Variants in KCNH7 observed in about 807,000 individuals in gnomAD.
The protein encoded by KCNH7 is voltage-gated inwardly rectifying potassium channel KCNH7.
A neutral mutation model predicts 120.8 loss-of-function variants in KCNH7; 49 were observed. That is an observed-to-expected ratio of 0.41 (90% CI 0.32 to 0.51). KCNH7 has a LOEUF of 0.51. KCNH7 is among the 20% of genes least tolerant of loss of function. KCNH7 has a pLI of 0.38. For missense variants in KCNH7, 1,097 were observed against 1,446.6 expected, an observed-to-expected ratio of 0.76 and a Z score of 3.92; for synonymous variants, 547 against 516.1, an observed-to-expected ratio of 1.06 and a Z score of -0.81.
At chr2:162,770,576 GA>G (rs969588487) in intron 2 of KCNH7, among the ~76,000 whole-genome samples, 11 of 151,936 alleles carry the variant, frequency 7.2e-5, no homozygotes, top group Non-Finnish European at 1.2e-4. Flanking sequence ...ACGGCTTTGA[GA>G]AATCAATTAA....
chr2:162,408,108 C>T (rs914615436), intron 9 of KCNH7, among the ~76,000 whole-genome samples: 2 of 151,990 alleles, frequency 1.3e-5, no homozygotes, highest in African/African-American at 4.8e-5. Flanking sequence ...TCCAGGGCTC[C>T]TTCAACCATT....
At chr2:162,489,803 T>C (rs1368119884) in intron 6 of KCNH7, among the ~76,000 whole-genome samples, 1 of 152,226 alleles carries the variant, frequency 6.6e-6, no homozygotes, top group Non-Finnish European at 1.5e-5. Context: ...GAATTTCTGT[T>C]TTGCTGAACC....
chr2:162,627,714 C>T (rs1323173982), intron 2 of KCNH7, among the ~76,000 whole-genome samples: 1 of 152,204 alleles, frequency 6.6e-6, no homozygotes, highest in Non-Finnish European at 1.5e-5. Context: ...CTGGAGTAAT[C>T]TGGCCATGAC....
intron 2 of KCNH7, among the ~76,000 whole-genome samples, chr2:162,794,698 A>G (rs1316202519): frequency 6.6e-6 from 1 of 151,982 alleles, no homozygotes; most frequent in South Asian, 2.1e-4. Context: ...GAATTACCTG[A>G]AGTTGCTCTA....
chr2:162,670,470 CAAAAAAAAAAAA>C (rs61610131), intron 2 of KCNH7, among the ~76,000 whole-genome samples: 1 of 48,244 alleles, frequency 2.1e-5, no homozygotes, highest in African/African-American at 9.1e-5. Flanking sequence ...CGAACTCTGT[CAAAAAAAAAAAA>C]AAAAAAAAAA....
chr2:162,448,657 C>A (rs2105564159), intron 6 of KCNH7, among the ~76,000 whole-genome samples: 1 of 152,202 alleles, frequency 6.6e-6, no homozygotes, highest in East Asian at 1.9e-4. Context: ...TGCAATACCT[C>A]TTTTAGCAGA....
chr2:162,606,722 C>A lies in KCNH7; in HGVS notation c.308-69642G>T, dbSNP rs74982920. 3.7e-3 allele frequency among the ~76,000 whole-genome samples: 559 copies of A among 152,170 alleles called. 1 individual carries two copies. The highest frequency in any genetic ancestry group is 6.2e-3 in the Non-Finnish European group (419 of 67,996). On this transcript the variant is annotated intron_variant, in intron 2 of 15. Transcript: ENST00000332142. Reference sequence around the variant, plus strand: ...TTATAAACTTTAGTCTAACTTGGTTCCAAAGCAAGCAAACAAAATATCTTG... The same window carrying A: ...TTATAAACTTTAGTCTAACTTGGTTACAAAGCAAGCAAACAAAATATCTTG...
intron 6 of KCNH7, among the ~76,000 whole-genome samples, chr2:162,447,250 T>A (rs1055792752): frequency 7.9e-5 from 12 of 152,098 alleles, no homozygotes; most frequent in African/African-American, 2.9e-4. Flanking sequence ...CAGTTCACCT[T>A]TTAGAGTTTT....
At chr2:162,754,073 AATG>A (rs1391303676) in intron 2 of KCNH7, among the ~76,000 whole-genome samples, 7 of 152,188 alleles carry the variant, frequency 4.6e-5, no homozygotes, top group Non-Finnish European at 1.5e-5. Context: ...TTATTTATCA[AATG>A]ATGATGATAT....
At chr2:162,402,855 T>A (rs1687104765) in intron 9 of KCNH7, among the ~76,000 whole-genome samples, 1 of 151,764 alleles carries the variant, frequency 6.6e-6, no homozygotes, top group African/African-American at 2.4e-5. Flanking sequence ...TCACACATGC[T>A]TTGAGTTGGA....
intron 2 of KCNH7, among the ~76,000 whole-genome samples, chr2:162,793,618 A>G (rs903115468): frequency 6.6e-6 from 1 of 151,988 alleles, no homozygotes; most frequent in Non-Finnish European, 1.5e-5. Context: ...AATATTGTTA[A>G]AATGTCCATT....
At chr2:162,507,387 G>T (rs1690916998) in intron 5 of KCNH7, among the ~76,000 whole-genome samples, 1 of 151,504 alleles carries the variant, frequency 6.6e-6, no homozygotes, top group African/African-American at 2.4e-5. Context: ...TATGTAAAAT[G>T]ATATCATACT....
At chr2:162,381,567 C>T (rs1394111000) in intron 13 of KCNH7, among the ~76,000 whole-genome samples, 1 of 152,014 alleles carries the variant, frequency 6.6e-6, no homozygotes, top group Non-Finnish European at 1.5e-5. Flanking sequence ...TAGGGTGAGG[C>T]TTGACAAAGG....
At chr2:162,453,085 T>C (rs1428318655) in intron 6 of KCNH7, among the ~76,000 whole-genome samples, 2 of 151,974 alleles carry the variant, frequency 1.3e-5, no homozygotes, top group African/African-American at 4.8e-5. Flanking sequence ...CATTAGGTAT[T>C]TGTCCTAATG....
intron 12 of KCNH7, among the ~76,000 whole-genome samples, chr2:162,389,809 C>CT (rs1686689391): frequency 6.6e-6 from 1 of 151,932 alleles, no homozygotes; most frequent in African/African-American, 2.4e-5. Flanking sequence ...TGTAGAAACA[C>CT]TTTTTTCTGC....
At chr2:162,469,685 C>G (rs896549671) in intron 6 of KCNH7, among the ~76,000 whole-genome samples, 41 of 151,848 alleles carry the variant, frequency 2.7e-4, no homozygotes, top group Non-Finnish European at 1.5e-5. Context: ...CTCCCTCCCC[C>G]TCCCCCTCTC....
intron 2 of KCNH7, among the ~76,000 whole-genome samples, chr2:162,731,692 A>G (rs1687736270): frequency 6.6e-6 from 1 of 152,142 alleles, no homozygotes; most frequent in African/African-American, 2.4e-5. Context: ...GCACATAAAT[A>G]TTTATGAAAA....
intron 6 of KCNH7, among the ~76,000 whole-genome samples, chr2:162,492,865 G>GTT (rs67006443): frequency 0.23 from 12,833 of 56,470 alleles, 4,124 homozygotes; most frequent in Non-Finnish European, 0.31. Flanking sequence ...CTTGGATCTT[G>GTT]TTTTTTTTTT....
intron 2 of KCNH7, among the ~76,000 whole-genome samples, chr2:162,656,664 G>GATATGGTAGAAAACAAAGTTTTGGTC (rs1181270779): frequency 1.3e-5 from 2 of 152,146 alleles, no homozygotes; most frequent in African/African-American, 4.8e-5. Context: ...CATGTTTGAT[G>GATATGGTAGAAAACAAAGTTTTGGTC]ATATGGTAGA....
Sources: allele counts gnomAD v4.1 joint callset (sites outside exome capture counted in the v4.1 genomes callset), GRCh38; gene constraint gnomAD v4.1.1; transcripts MANE v1.5; gene names NCBI Gene and HGNC (gene_info 2026-07-23, HGNC 2026-07-21).